ZFPM2: variants seen among roughly 807,000 people sequenced by gnomAD.
ZFPM2 encodes zinc finger protein, FOG family member 2, also known as zinc finger protein ZFPM2.
Under a neutral mutation model 98.6 loss-of-function variants are expected in ZFPM2, and 20 were observed. The ratio of observed to expected loss-of-function variants is 0.20; its 90% CI spans 0.14 to 0.29. The LOEUF (loss-of-function observed/expected upper bound fraction) is 0.29. Among genes scored for constraint, ZFPM2 ranks in the 10% least tolerant of loss-of-function variants. ZFPM2 has a pLI of 1.00. For missense variants in ZFPM2, 1,310 were observed against 1,388.6 expected, an observed-to-expected ratio of 0.94 and a Z score of 0.90; for synonymous variants, 518 against 502.7, an observed-to-expected ratio of 1.03 and a Z score of -0.41.
chr8:105,461,863 G>C (rs945754039), intron 3 of ZFPM2, among the ~76,000 whole-genome samples: 1 of 152,128 alleles, frequency 6.6e-6, no homozygotes, highest in Non-Finnish European at 1.5e-5. Context: ...AAATCACACA[G>C]CAGATAATCC....
chr8:105,643,858 G>T (rs1269143524), intron 5 of ZFPM2, among the ~76,000 whole-genome samples: 1 of 152,132 alleles, frequency 6.6e-6, no homozygotes, highest in African/African-American at 2.4e-5. Context: ...ATCACAATTG[G>T]ACTGATTACA....
intron 5 of ZFPM2, among the ~76,000 whole-genome samples, chr8:105,673,466 C>T (rs1817635516): frequency 6.6e-6 from 1 of 151,950 alleles, no homozygotes; most frequent in African/African-American, 2.4e-5. Flanking sequence ...AAATAATATA[C>T]ATGTCTATGA....
rs1038068937 is a variant in ZFPM2, at chr8:105,796,434, C to A, written c.740-2290C>A. ...CTGCTTAAATGGACCCTTTACTAAA[C>A]TGTGTAGCCTCATGAATAGTGTAAA... On this transcript the variant is annotated intron_variant, in intron 6 of 7. Coordinates refer to ENST00000407775, the MANE Select transcript of ZFPM2 (RefSeq NM_012082.4). Among the ~76,000 whole-genome samples, 6 of 152,142 alleles carry A rather than the reference C, an allele frequency of 3.9e-5. No individual in the cohort carries two copies. The East Asian group carries it at 1.2e-3, about 29-fold the overall frequency.
At chr8:105,376,647 A>G (rs1339503148) in intron 1 of ZFPM2, among the ~76,000 whole-genome samples, 1 of 152,138 alleles carries the variant, frequency 6.6e-6, no homozygotes, top group East Asian at 1.9e-4. Flanking sequence ...TCTAAGTAAA[A>G]AAGCTGGGAG....
rs537816167 is a variant in ZFPM2 at position 105,535,046 on chromosome 8, G to A, written c.302-26317G>A. Among the ~76,000 whole-genome samples, 12 of 152,214 alleles carry A rather than the reference G, an allele frequency of 7.9e-5. No individual in the cohort carries two copies. The South Asian group carries it at 2.3e-3, about 29-fold the overall frequency. ...GCATTTGGCTCTTTTAATTTCCCCT[G>A]CAATGTTCAAATAAGGTCCTGAATC... On this transcript the variant is annotated intron_variant, in intron 3 of 7. Transcript: ENST00000407775.
At chr8:105,632,569 A>G (rs143242856) in intron 4 of ZFPM2, among the ~76,000 whole-genome samples, 5 of 152,356 alleles carry the variant, frequency 3.3e-5, no homozygotes, top group East Asian at 1.9e-4. Context: ...TTGGATCACT[A>G]TCATTTCATA....
rs530075992 is a variant in ZFPM2, at chr8:105,425,617, T to G, written c.199+6315T>G. Among the ~76,000 whole-genome samples the G allele has an allele frequency of 2.0e-5, 3 of 152,330 alleles. No homozygotes were observed. In the East Asian group the frequency reaches 5.8e-4, roughly 29 times the overall value. ...TCTGCCGATAGGCATCCAGGCTCAT[T>G]GAAATGTTTCCCCCCTCCTCCCATC... is the stretch of plus-strand genomic sequence containing the variant. On this transcript the variant is annotated intron_variant, in intron 2 of 7. Transcript: ENST00000407775.
rs375321060 is a variant in ZFPM2 at position 105,411,097 on chromosome 8, G to T, written c.41-8047G>T. Among the ~76,000 whole-genome samples the T allele has an allele frequency of 2.7e-4, 41 of 151,806 alleles. No homozygotes were observed. In the East Asian group the frequency reaches 6.6e-3, roughly 24 times the overall value. ...CTGTGTCTAGATTTTTTTAAAATTTGCCCAGTATTCTCTCACTTTGATTTG... is the reference window on the plus strand; with the variant it reads ...CTGTGTCTAGATTTTTTTAAAATTTTCCCAGTATTCTCTCACTTTGATTTG... On this transcript the variant is annotated intron_variant, in intron 1 of 7. Coordinates refer to ENST00000407775, the MANE Select transcript of ZFPM2 (RefSeq NM_012082.4).
intron 1 of ZFPM2, among the ~76,000 whole-genome samples, chr8:105,330,744 T>A (rs1563607160): frequency 6.7e-6 from 1 of 149,674 alleles, no homozygotes; most frequent in East Asian, 2.0e-4. Flanking sequence ...TTACTGATCT[T>A]GTTTTGATGG....
chr8:105,801,565 G>A lies in ZFPM2; in HGVS notation c.1483G>A (p.Gly495Ser). Residue 495 changes from glycine (G) to serine (S), a missense_variant, in exon 8 of 8, where the codon GGC (glycine) becomes AGC (serine). Gly to Ser is a moderately conservative substitution (Grantham distance 56). Transcript: ENST00000407775. ...TAATATTGGGCCTTCTTTCCCTGTGGGCCCTTTCCTATCTCAGTTTTCTTT... is the reference window on the plus strand; with the variant it reads ...TAATATTGGGCCTTCTTTCCCTGTGAGCCCTTTCCTATCTCAGTTTTCTTT... The part of the protein sequence containing the change: ...QPNIGPSFPV[G>S]PFLSQFSFPQ... 1 of 1,613,628 alleles carries A rather than the reference G, an allele frequency of 6.2e-7. No homozygotes were observed. Among genetic ancestry groups the A allele is most frequent in the Middle Eastern group, 1.6e-4 (1 of 6,062 alleles).
intron 5 of ZFPM2, among the ~76,000 whole-genome samples, chr8:105,708,499 G>A (rs957714549): frequency 2.0e-5 from 3 of 151,954 alleles, no homozygotes; most frequent in South Asian, 2.1e-4. Flanking sequence ...GTGTGATCAC[G>A]GCTCACTGCA....
At chr8:105,643,633 A>G (rs997968388) in intron 5 of ZFPM2, among the ~76,000 whole-genome samples, 6 of 152,264 alleles carry the variant, frequency 3.9e-5, no homozygotes, top group Non-Finnish European at 5.9e-5. Flanking sequence ...CAAAAAATCA[A>G]TGCTGATCAG....
At chr8:105,712,165 AAGAT>A (rs1287447503) in intron 5 of ZFPM2, among the ~76,000 whole-genome samples, 1 of 152,026 alleles carries the variant, frequency 6.6e-6, no homozygotes, top group African/African-American at 2.4e-5. Flanking sequence ...GAAACAAAAA[AAGAT>A]AAGGAACAAG....
intron 1 of ZFPM2, among the ~76,000 whole-genome samples, chr8:105,321,470 A>G (rs796689303): frequency 3.9e-5 from 6 of 152,336 alleles, no homozygotes; most frequent in African/African-American, 1.4e-4. Flanking sequence ...GTCCAGGATT[A>G]GAAAATAAAG....
intron 1 of ZFPM2, among the ~76,000 whole-genome samples, chr8:105,361,577 G>C (rs1333846390): frequency 1.3e-5 from 2 of 152,044 alleles, no homozygotes; most frequent in Non-Finnish European, 2.9e-5. Flanking sequence ...ATATGTGCTA[G>C]TTATTTATTG....
At chr8:105,788,643 T>G in intron 5 of ZFPM2, 75 bp from the exon 6 acceptor site, 1 of 1,400,004 alleles carries the variant, frequency 7.1e-7, no homozygotes. Context: ...GAAGGTGCTA[T>G]GGACATCAAT....
intron 5 of ZFPM2, among the ~76,000 whole-genome samples, chr8:105,755,693 C>T (rs1440024954): frequency 6.6e-6 from 1 of 151,942 alleles, no homozygotes; most frequent in Non-Finnish European, 1.5e-5. Flanking sequence ...TGCCAGAATC[C>T]ACTTGTCTTA....
At position 105,802,772 on chromosome 8, in the gene ZFPM2, A is replaced by G. The variant is rs546696366; in HGVS notation, c.2690A>G (p.Asn897Ser). The G allele has an allele frequency of 1.9e-6, 3 of 1,613,710 alleles. No homozygotes were observed. Among genetic ancestry groups the G allele is most frequent in the South Asian group, 2.2e-5 (2 of 91,030 alleles). The change falls in exon 8 of 8, where the codon AAT becomes AGT. Residue 897 changes from asparagine to serine, a missense_variant. By Grantham distance (46) the Asn-to-Ser change is conservative (BLOSUM62 1). Coordinates refer to ENST00000407775, the MANE Select transcript of ZFPM2 (RefSeq NM_012082.4). Reference sequence around the variant, plus strand: ...CAACTGGACGGCAAAGTGTTTCCGAATCCAGAAAGCGAACGAAACAGCCCT... The same window carrying G: ...CAACTGGACGGCAAAGTGTTTCCGAGTCCAGAAAGCGAACGAAACAGCCCT... ...LGQLDGKVFP[N>S]PESERNSPDV...
At chr8:105,623,418 T>C (rs533616270) in intron 4 of ZFPM2, among the ~76,000 whole-genome samples, 1 of 152,362 alleles carries the variant, frequency 6.6e-6, no homozygotes, top group African/African-American at 2.4e-5. Context: ...TAATAGTTTA[T>C]GTCTGTAGAT....
Sources: gnomAD v4.1 joint callset for allele counts (sites outside exome capture counted in the v4.1 genomes callset) on GRCh38, gnomAD v4.1.1 for gene constraint, MANE v1.5 for transcripts, NCBI Gene and HGNC (gene_info 2026-07-23, HGNC 2026-07-21) for gene names.